Variants in ZNF423 observed in about 807,000 individuals in gnomAD.
ZNF423 encodes the protein Ebf-associated zinc finger protein.
A neutral mutation model predicts 95.8 loss-of-function variants in ZNF423; 12 were observed. The observed-to-expected ratio is 0.13, with a 90% CI of 0.08 to 0.20. The LOEUF (loss-of-function observed/expected upper bound fraction) is 0.20. Ranked by LOEUF, ZNF423 falls within the 10% of genes least tolerant of loss-of-function variation. The pLI, the probability that ZNF423 is intolerant of heterozygous loss-of-function variation, is 1.00. For synonymous variants in ZNF423, 749 were observed against 711.9 expected (o/e 1.05, Z -0.83); for missense variants, 1,316 against 1,737.1 (o/e 0.76, Z 4.31).
intron 5 of ZNF423, among the ~76,000 whole-genome samples, chr16:49,563,284 TC>T (rs892515921): frequency 3.3e-5 from 5 of 151,970 alleles, no homozygotes; most frequent in East Asian, 1.9e-4. Flanking sequence ...GCCTGGCACC[TC>T]CCCCCTCCCT....
intron 1 of ZNF423, among the ~76,000 whole-genome samples, chr16:49,833,270 A>T (rs1056061388): frequency 6.6e-6 from 1 of 152,222 alleles, no homozygotes; most frequent in Non-Finnish European, 1.5e-5. Flanking sequence ...CTCTTCCTGG[A>T]GCCTGAATTT....
chr16:49,723,025 G>A (rs908147641), intron 3 of ZNF423, among the ~76,000 whole-genome samples: 13 of 144,842 alleles, frequency 9.0e-5, no homozygotes, highest in African/African-American at 2.3e-4. Context: ...GTGTGATCTC[G>A]GCTCACTGCA....
At chr16:49,506,954 T>G (rs1967671635) in intron 7 of ZNF423, among the ~76,000 whole-genome samples, 1 of 151,608 alleles carries the variant, frequency 6.6e-6, no homozygotes, top group African/African-American at 2.4e-5. Flanking sequence ...GATGAATGGA[T>G]GAATGGTGGG....
At chr16:49,756,808 C>T (rs1444195270) in intron 2 of ZNF423, among the ~76,000 whole-genome samples, 3 of 152,232 alleles carry the variant, frequency 2.0e-5, no homozygotes, top group Admixed American at 6.5e-5. Flanking sequence ...CACTTGTGAG[C>T]ACCCCTGAGG....
intron 1 of ZNF423, among the ~76,000 whole-genome samples, chr16:49,821,025 G>A (rs1213623670): frequency 5.3e-5 from 8 of 152,250 alleles, no homozygotes; most frequent in Non-Finnish European, 8.8e-5. Context: ...AGCCTTGTTC[G>A]CCTCGGAAGC....
At chr16:49,777,916 G>A (rs557448859) in intron 2 of ZNF423, among the ~76,000 whole-genome samples, 2 of 152,272 alleles carry the variant, frequency 1.3e-5, no homozygotes, top group African/African-American at 4.8e-5. Context: ...CTGAGGATAC[G>A]ACAGGAAGCA....
At chr16:49,518,345 T>C (rs1968239560) in intron 7 of ZNF423, 2 of 418,292 alleles carry the variant, frequency 4.8e-6, no homozygotes, top group Non-Finnish European at 9.3e-6. Context: ...AGTGACAATC[T>C]TTCCACAAAG....
chr16:49,692,907 T>G (rs1323991497), intron 3 of ZNF423, among the ~76,000 whole-genome samples: 3 of 152,270 alleles, frequency 2.0e-5, no homozygotes, highest in African/African-American at 7.2e-5. Flanking sequence ...TGTCCTAAGC[T>G]TAGCCTAGCA....
chr16:49,669,317 G>A (rs963030984), intron 3 of ZNF423, among the ~76,000 whole-genome samples: 60 of 146,344 alleles, frequency 4.1e-4, no homozygotes, highest in African/African-American at 1.4e-3. Context: ...TAACAAGAGC[G>A]AAACTCCGTC....
intron 5 of ZNF423, among the ~76,000 whole-genome samples, chr16:49,541,129 C>T (rs534281150): frequency 6.6e-6 from 1 of 152,332 alleles, no homozygotes; most frequent in South Asian, 2.1e-4. Flanking sequence ...ACCTATGCTT[C>T]CCTCCCCTAG....
intron 3 of ZNF423, among the ~76,000 whole-genome samples, chr16:49,670,718 G>A (rs8057505): frequency 0.15 from 23,296 of 152,238 alleles, 2,134 homozygotes; most frequent in South Asian, 0.3. Context: ...AAAACAGCAC[G>A]CTGCCTCATT....
intron 3 of ZNF423, among the ~76,000 whole-genome samples, chr16:49,665,180 G>A (rs1035380378): frequency 2.0e-5 from 3 of 152,246 alleles, no homozygotes; most frequent in African/African-American, 7.2e-5. Context: ...CCAGGGTTCT[G>A]CCATCAAGAG....
intron 1 of ZNF423, among the ~76,000 whole-genome samples, chr16:49,794,604 T>A (rs2034470362): frequency 6.6e-6 from 1 of 152,226 alleles, no homozygotes; most frequent in South Asian, 2.1e-4. Context: ...AGAAAGGCTC[T>A]GGAGTGGCCC....
rs1398305792 is a variant in ZNF423 at position 49,815,912 on chromosome 16, A to T, written c.41-26366T>A. On this transcript the variant is annotated intron_variant, in intron 1 of 7. Coordinates refer to ENST00000563137, the MANE Select transcript of ZNF423 (RefSeq NM_001379286.1). ...TATATATATATATATATATATATAT[A>T]TATTTTTTTTTTTTTTTTTTTTTTG... Among the ~76,000 whole-genome samples the T allele has an allele frequency of 8.6e-3, 316 of 36,644 alleles. 6 individuals carry two copies. The highest frequency in any genetic ancestry group is 0.018 in the African/African-American group (156 of 8,476). The allele number at this position is 36,644 out of a possible 152,430, so 24.0% of individuals were successfully genotyped here. A position where few individuals can be genotyped will look rare whatever the true frequency, so the allele number is the denominator to read the frequency against.
rs560217071 is a variant in ZNF423, at chr16:49,583,797, G to A, written c.3601+42373C>T. 2.6e-5 allele frequency among the ~76,000 whole-genome samples: 4 copies of A among 152,322 alleles called. No individual in the cohort carries two copies. In the East Asian group the frequency reaches 5.8e-4, roughly 22 times the overall value. On this transcript the variant is annotated intron_variant, in intron 5 of 7. Transcript: ENST00000563137. ...TTTAGGCTAGTGGTCCTATAACCAA[G>A]TACCACAACCTTGCAAATATCAACT...
intron 1 of ZNF423, chr16:49,826,979 A>AG (rs1301568302): frequency 7.9e-5 from 12 of 152,198 alleles, no homozygotes; most frequent in African/African-American, 2.9e-4. Flanking sequence ...GGTCCTCTTC[A>AG]GGGGGACATT....
intron 5 of ZNF423, among the ~76,000 whole-genome samples, chr16:49,534,218 T>C (rs1968969000): frequency 1.3e-5 from 2 of 150,910 alleles, no homozygotes; most frequent in South Asian, 4.2e-4. Context: ...CAACTATTAC[T>C]GCTATTGTTA....
chr16:49,550,704 C>T (rs1052987552), intron 5 of ZNF423, among the ~76,000 whole-genome samples: 7 of 152,356 alleles, frequency 4.6e-5, no homozygotes, highest in Non-Finnish European at 5.9e-5. Context: ...AAGGGACAGC[C>T]GTGGGAGCAA....
chr16:49,813,100 G>A (rs753918264), intron 1 of ZNF423, among the ~76,000 whole-genome samples: 8 of 152,094 alleles, frequency 5.3e-5, no homozygotes, highest in Middle Eastern at 3.4e-3. Flanking sequence ...CCTACTAGGC[G>A]GTGGGGCTTT....
Sources: allele counts gnomAD v4.1 joint callset (sites outside exome capture counted in the v4.1 genomes callset), GRCh38; gene constraint gnomAD v4.1.1; transcripts MANE v1.5; gene names NCBI Gene and HGNC (gene_info 2026-07-23, HGNC 2026-07-21).